Variants in RGS7 observed in about 807,000 individuals in gnomAD.
The protein encoded by RGS7 is regulator of G-protein signaling 7.
Under a neutral mutation model 81.1 loss-of-function variants are expected in RGS7, and 27 were observed. The observed-to-expected ratio is 0.33, with a 90% confidence interval of 0.25 to 0.46. The LOEUF is 0.46. Ranked by LOEUF, RGS7 falls within the 20% of genes least tolerant of loss-of-function variation. The pLI is 1.00. For synonymous variants in RGS7, 208 were observed against 207.7 expected, an observed-to-expected ratio of 1.00 and a Z score of -0.01; for missense variants, 396 against 607.4, an observed-to-expected ratio of 0.65 and a Z score of 3.66.
At chr1:240,985,130 G>C (rs1178607290) in intron 3 of RGS7, among the ~76,000 whole-genome samples, 1 of 152,146 alleles carries the variant, frequency 6.6e-6, no homozygotes, top group Non-Finnish European at 1.5e-5. Flanking sequence ...CTGGAAGCAC[G>C]ATCTTCCCAT....
chr1:241,116,383 A>T (rs1190612236), intron 2 of RGS7, among the ~76,000 whole-genome samples: 1 of 152,180 alleles, frequency 6.6e-6, no homozygotes, highest in African/African-American at 2.4e-5. Context: ...AGTATGACTT[A>T]GGAAAAGGTA....
chr1:240,923,370 A>G (rs2502444), intron 6 of RGS7, among the ~76,000 whole-genome samples: 152,159 of 152,206 alleles, frequency 1, 76,056 homozygotes, highest in Non-Finnish European at 1. Flanking sequence ...TGTAACAAAC[A>G]TACTATATTA....
chr1:240,815,262 G>A (rs751485726), intron 11 of RGS7, among the ~76,000 whole-genome samples: 1 of 151,830 alleles, frequency 6.6e-6, no homozygotes, highest in Non-Finnish European at 1.5e-5. Context: ...GGATCACCTG[G>A]GACTCTGAAG....
chr1:241,103,707 T>TA (rs111453986), intron 2 of RGS7, among the ~76,000 whole-genome samples: 7 of 150,672 alleles, frequency 4.6e-5, no homozygotes, highest in East Asian at 3.9e-4. Flanking sequence ...CTCTATCTCT[T>TA]AAAAAAAAAT....
At chr1:241,063,871 A>G (rs1015328866) in intron 3 of RGS7, among the ~76,000 whole-genome samples, 3 of 152,294 alleles carry the variant, frequency 2.0e-5, no homozygotes, top group African/African-American at 7.2e-5. Flanking sequence ...CAGGAAACTA[A>G]CGACACTGCC....
intron 3 of RGS7, among the ~76,000 whole-genome samples, chr1:241,001,876 T>C (rs1044779486): frequency 3.9e-5 from 6 of 152,068 alleles, no homozygotes; most frequent in Non-Finnish European, 8.8e-5. Context: ...ACCCATAGAA[T>C]GCACAACACC....
intron 3 of RGS7, among the ~76,000 whole-genome samples, chr1:241,054,896 C>G (rs2061408001): frequency 6.6e-6 from 1 of 152,198 alleles, no homozygotes; most frequent in African/African-American, 2.4e-5. Context: ...TTAAAACACT[C>G]CAGTGGTCTT....
intron 10 of RGS7, 73 bp from the exon 11 acceptor site, chr1:240,816,488 T>G (rs1690820899): frequency 9.7e-7 from 1 of 1,027,336 alleles, no homozygotes; most frequent in South Asian, 1.3e-5. Context: ...AAAAAGTAAC[T>G]CTAGCATAAA....
intron 2 of RGS7, among the ~76,000 whole-genome samples, chr1:241,246,373 A>G (rs2076545951): frequency 6.6e-6 from 1 of 152,202 alleles, no homozygotes; most frequent in Non-Finnish European, 1.5e-5. Context: ...GAACCGTGAT[A>G]GAGCATGGTT....
chr1:240,983,083 A>T lies in RGS7; in HGVS notation c.222T>A (p.Asp74Glu). The change falls in exon 4 of 19, where the codon GAT becomes GAA. Residue 74 changes from aspartate (D) to glutamate (E), a missense_variant. Transcript: ENST00000440928. ...QWLIKNLTIE[D>E]PVEALHLGTL... ...ATGGGAAAATGATTTATTTACCTGG[A>T]TCTTCTATAGTTAAGTTCTTTATCA... 1.3e-6 allele frequency: 2 copies of T among 1,535,336 alleles called. No individual in the cohort carries two copies. The highest frequency in any genetic ancestry group is 2.3e-5 in the South Asian group (2 of 88,564).
intron 4 of RGS7, among the ~76,000 whole-genome samples, chr1:240,940,079 C>G (rs1677328279): frequency 6.6e-6 from 1 of 151,902 alleles, no homozygotes; most frequent in Admixed American, 6.6e-5. Flanking sequence ...CACTCTATCT[C>G]AAAAAATTAA....
intron 2 of RGS7, among the ~76,000 whole-genome samples, chr1:241,128,304 C>T (rs2066825587): frequency 6.9e-6 from 1 of 144,332 alleles, no homozygotes; most frequent in Non-Finnish European, 1.5e-5. Context: ...CAAAAAATGG[C>T]CAGGTGCGGT....
At chr1:241,193,549 A>T (rs1480124622) in intron 2 of RGS7, among the ~76,000 whole-genome samples, 5 of 152,250 alleles carry the variant, frequency 3.3e-5, no homozygotes, top group Admixed American at 1.3e-4. Flanking sequence ...TATAGTGTTT[A>T]GTTGCTTAAC....
At chr1:240,813,054 C>A (rs768593123) in intron 13 of RGS7, among the ~76,000 whole-genome samples, 1 of 152,132 alleles carries the variant, frequency 6.6e-6, no homozygotes, top group Non-Finnish European at 1.5e-5. Flanking sequence ...TAAAGTGATA[C>A]GCCATGATCC....
chr1:241,329,878 C>T (rs984444139), intron 2 of RGS7, among the ~76,000 whole-genome samples: 5 of 151,640 alleles, frequency 3.3e-5, no homozygotes, highest in Admixed American at 6.6e-5. Context: ...GCAGCAAGTG[C>T]TAATCAATAA....
intron 18 of RGS7, among the ~76,000 whole-genome samples, chr1:240,796,006 T>C (rs12022527): frequency 0.69 from 104,671 of 151,970 alleles, 36,321 homozygotes; most frequent in African/African-American, 0.73. Flanking sequence ...AGGTGGTTCT[T>C]GAACTCTTGG....
intron 2 of RGS7, among the ~76,000 whole-genome samples, chr1:241,252,991 G>GTAATA (rs993866770): frequency 7.2e-5 from 11 of 152,230 alleles, no homozygotes; most frequent in African/African-American, 2.7e-4. Flanking sequence ...GAAAGCCAAT[G>GTAATA]TAATACATAG....
At chr1:241,139,869 GA>G (rs778462687) in intron 2 of RGS7, among the ~76,000 whole-genome samples, 1 of 152,030 alleles carries the variant, frequency 6.6e-6, no homozygotes, top group Non-Finnish European at 1.5e-5. Context: ...CCCCAACTTA[GA>G]AAAAAACTCT....
At chr1:241,274,146 T>G (rs2078068064) in intron 2 of RGS7, among the ~76,000 whole-genome samples, 1 of 152,244 alleles carries the variant, frequency 6.6e-6, no homozygotes, top group Non-Finnish European at 1.5e-5. Flanking sequence ...TGGCTTGATA[T>G]TAAGGTTAGA....
Sources: allele counts gnomAD v4.1 joint callset (sites outside exome capture counted in the v4.1 genomes callset), GRCh38; gene constraint gnomAD v4.1.1; transcripts MANE v1.5; gene names NCBI Gene and HGNC (gene_info 2026-07-23, HGNC 2026-07-21).